B4GALNT1: variants seen among roughly 807,000 people sequenced by gnomAD.
B4GALNT1 encodes the protein beta-1,4 N-acetylgalactosaminyltransferase 1.
In B4GALNT1, 43 loss-of-function variants were observed where a neutral mutation model predicts 55.2. The observed-to-expected ratio is 0.78, with a 90% CI of 0.61 to 1.00. The LOEUF (loss-of-function observed/expected upper bound fraction) is 1.00, where lower values mean the gene tolerates loss of function less well. Among genes scored for constraint, B4GALNT1 ranks in the 50% least tolerant of loss-of-function variants. The pLI is 0.00. For synonymous variants in B4GALNT1, 305 were observed against 311.6 expected (o/e 0.98, Z 0.22); for missense variants, 664 against 729.7 (o/e 0.91, Z 1.04).
rs1264365564 is a variant in B4GALNT1, at chr12:57,625,420, G to A, written c.*1324C>T. ...GCCCCATCCCTGCAGCTGGCCAGCC[G>A]ATGTCGAGATGCTAGGATCCGCCTC... On this transcript the variant is annotated 3_prime_UTR_variant, in exon 11 of 11. Transcript: ENST00000341156. The A allele has an allele frequency of 2.5e-6, 4 of 1,614,054 alleles. No individual in the cohort carries two copies. The African/African-American group carries it at 4.0e-5, about 16-fold the overall frequency.
Position 57,624,079 on chromosome 12 carries a change from A to G in B4GALNT1, c.*2665T>C, listed in dbSNP as rs1283806563. On this transcript the variant is annotated 3_prime_UTR_variant, in exon 11 of 11. Transcript: ENST00000341156. ...ATGCAGGAACTTCCACAACTATGGC[A>G]CATCAGCCGAGTGGACTTTGTGAGA... The G allele has an allele frequency of 1.9e-6, 3 of 1,613,784 alleles. No homozygotes were observed. In the Admixed American group the frequency reaches 5.0e-5, roughly 27 times the overall value.
chr12:57,631,407 CA>C (rs1732628534), intron 2 of B4GALNT1, 43 bp from the exon 3 acceptor site: 1 of 1,606,086 alleles, frequency 6.2e-7, no homozygotes, highest in Admixed American at 1.7e-5. Context: ...CCCAGCTACA[CA>C]GCTCCATTCA....
rs756802006 is a variant in B4GALNT1 at position 57,631,053 on chromosome 12, G to C, written c.417C>G (p.Ala139=). 61 of 1,612,772 alleles carry C rather than the reference G, an allele frequency of 3.8e-5. No homozygotes were observed. Among genetic ancestry groups the C allele is most frequent in the Admixed American group, 5.0e-5 (3 of 59,946 alleles). ...GGTACTGGAGCGGGGAGTTGGCAGG[G>C]GCTATGAGCAGCTGGTCAGCTGGGG... ...SQSPADQLLI[A]PANSPLQYPL... The change falls in exon 4 of 11, where the codon GCC becomes GCG. Residue 139 remains alanine, a synonymous_variant. Transcript: ENST00000341156.
chr12:57,627,615 C>A lies in B4GALNT1; in HGVS notation c.1384+3G>T. 1 of 1,584,702 alleles carries A rather than the reference C, an allele frequency of 6.3e-7. No homozygotes were observed. ...GGGTCGACCGGGAGGGGGTGCCACT[C>A]ACCCAGATGAGCCACGCGGCTGAGG... On this transcript the variant is annotated splice_donor_region_variant and intron_variant, in intron 10 of 10. Coordinates refer to ENST00000341156, the MANE Select transcript of B4GALNT1 (RefSeq NM_001478.5).
At chr12:57,629,971 T>C (rs1188594353) in intron 6 of B4GALNT1, 181 bp downstream of exon 6, 10 of 1,537,682 alleles carry the variant, frequency 6.5e-6, no homozygotes, top group Non-Finnish European at 2.6e-6. Context: ...CAGCCCCAGA[T>C]GAACAAAGGC....
chr12:57,627,680 G>A lies in B4GALNT1; in HGVS notation c.1322C>T (p.Ala441Val), dbSNP rs563575730. 6.2e-7 allele frequency: 1 copy of A among 1,611,986 alleles called. No homozygotes were observed. Among genetic ancestry groups the A allele is most frequent in the Non-Finnish European group, 8.5e-7 (1 of 1,178,862 alleles). ...GACCTCGCGCACCTTGTCAGTCCGC[G>A]CCAGGAAGAAGTTAACCACGCCGTC... is the stretch of plus-strand genomic sequence containing the variant. ...VTDGVVNFFL[A>V]RTDKVREVGF... Residue 441 changes from alanine (A) to valine (V), a missense_variant, in exon 10 of 11, where the codon GCG becomes GTG. Physicochemically the swap from Ala to Val is moderately conservative, Grantham distance 64. Transcript: ENST00000341156.
At chr12:57,628,003 C>A in intron 9 of B4GALNT1, 119 bp downstream of exon 9, 1 of 1,498,270 alleles carries the variant, frequency 6.7e-7, no homozygotes, top group East Asian at 2.4e-5. Context: ...TTCCCAGGCC[C>A]CACTTCGTGG....
At position 57,628,125 on chromosome 12, in the gene B4GALNT1, G is replaced by T; in HGVS notation, c.1140C>A (p.Asp380Glu). 1 of 1,613,762 alleles carries T rather than the reference G, an allele frequency of 6.2e-7. No individual in the cohort carries two copies. Among genetic ancestry groups the T allele is most frequent in the Non-Finnish European group, 8.5e-7 (1 of 1,180,016 alleles). ...LVDVLERTPL[D>E]LVGGAVREIS... Reference sequence around the variant, plus strand: ...CATCCTGCAGCCCCTGCCCTACCAGGTCCAGCGGCGTCCGCTCCAGCACGT... The same window carrying T: ...CATCCTGCAGCCCCTGCCCTACCAGTTCCAGCGGCGTCCGCTCCAGCACGT... The change falls in exon 9 of 11, where the codon GAC becomes GAA. Residue 380 changes from aspartate (D) to glutamate (E), a missense_variant. Transcript: ENST00000341156.
Position 57,627,843 on chromosome 12 carries a change from G to GC in B4GALNT1, c.1158dup (p.Arg387AlafsTer51). 6.3e-7 allele frequency: 1 copy of GC among 1,584,974 alleles called. No individual in the cohort carries two copies. Among genetic ancestry groups the GC allele is most frequent in the Admixed American group, 1.7e-5 (1 of 58,342 alleles). On this transcript the variant is annotated frameshift_variant, in exon 10 of 11. Coordinates refer to ENST00000341156, the MANE Select transcript of B4GALNT1 (RefSeq NM_001478.5). LOFTEE classifies it high-confidence loss of function. ...GTGGTGGCAAAGCCGGAGATCTCGCGCACCGCGCCCCCCACCTGCAGGGAG... is the reference window on the plus strand; with the variant it reads ...GTGGTGGCAAAGCCGGAGATCTCGCGCCACCGCGCCCCCCACCTGCAGGGAG...
chr12:57,628,851 A>G lies in B4GALNT1; in HGVS notation c.864T>C (p.Arg288=), dbSNP rs762739294. The change falls in exon 8 of 11, where the codon CGT becomes CGC. Residue 288 remains arginine (R), a synonymous_variant. Transcript: ENST00000341156. ...LVTIATKTFL[R]YDRLRALITS... is the part of the protein sequence containing the mutation. ...TGATGAGAGCCCGTAGCCGATCATA[A>G]CGGAGGAAGGTCTTGGTGGCAATCG... The G allele has an allele frequency of 2.5e-6, 4 of 1,614,036 alleles. No homozygotes were observed. Among genetic ancestry groups the G allele is most frequent in the Non-Finnish European group, 3.4e-6 (4 of 1,180,024 alleles).
rs1344629633 is a variant in B4GALNT1 at position 57,624,330 on chromosome 12, G to T, written c.*2414C>A. 1.6e-6 allele frequency: 1 copy of T among 632,472 alleles called. No individual in the cohort carries two copies. The highest frequency in any genetic ancestry group is 2.9e-6 in the Non-Finnish European group (1 of 343,754). 39.2% of individuals were successfully genotyped at this position (632,472 alleles called of 1,614,324 possible). The stretch of plus-strand genomic sequence containing the variant: ...ACTGGTGCGGGTCATTACATTTGGT[G>T]TGTGTCCCATTGAATCAACCCTGTT... On this transcript the variant is annotated 3_prime_UTR_variant, in exon 11 of 11. Coordinates refer to ENST00000341156, the MANE Select transcript of B4GALNT1 (RefSeq NM_001478.5).
chr12:57,629,359 C>A, intron 6 of B4GALNT1: 1 of 466,046 alleles, frequency 2.1e-6, no homozygotes, highest in Non-Finnish European at 3.7e-6. Flanking sequence ...TTATTGAGCA[C>A]TTACTATGTG....
Position 57,624,551 on chromosome 12 carries a change from G to A in B4GALNT1, c.*2193C>T, listed in dbSNP as rs776847744. On this transcript the variant is annotated 3_prime_UTR_variant, in exon 11 of 11. Transcript: ENST00000341156. ...AGTAGTGACCCTGAGTGTGGATTTGGGCCTGGCTGTGGGTGTGGTCTTCTC... is the reference window on the plus strand; with the variant it reads ...AGTAGTGACCCTGAGTGTGGATTTGAGCCTGGCTGTGGGTGTGGTCTTCTC... The A allele has an allele frequency of 1.6e-6, 1 of 642,382 alleles. No individual in the cohort carries two copies. The highest frequency in any genetic ancestry group is 1.8e-5 in the Admixed American group (1 of 54,568). 39.8% of individuals were successfully genotyped at this position (642,382 alleles called of 1,614,324 possible). A position where few individuals can be genotyped will look rare whatever the true frequency, so the allele number is the denominator to read the frequency against.
rs1167901551 is a variant in B4GALNT1, at chr12:57,628,215, C to G, written c.1050G>C (p.Lys350Asn). 1 of 1,614,184 alleles carries G rather than the reference C, an allele frequency of 6.2e-7. No homozygotes were observed. Among genetic ancestry groups the G allele is most frequent in the African/African-American group, 1.3e-5 (1 of 74,960 alleles). The change falls in exon 9 of 11, where the codon AAG becomes AAC. Residue 350 changes from lysine to asparagine, a missense_variant. Transcript: ENST00000341156. ...RNLAVSQVTT[K>N]YVLWVDDDFV... is the part of the protein sequence containing the mutation. ...AGTCGTCGTCCACCCACAGCACGTA[C>G]TTGGTGGTTACTTGAGACACGGCCA...
At position 57,624,425 on chromosome 12, in the gene B4GALNT1, G is replaced by A. The variant is rs188731988; in HGVS notation, c.*2319C>T. ...CCCATCACTTGCCTTGGTAGTCACT[G>A]CCCTGGATCTCTTTACCCAGCAGTG... On this transcript the variant is annotated 3_prime_UTR_variant, in exon 11 of 11. Coordinates refer to ENST00000341156, the MANE Select transcript of B4GALNT1 (RefSeq NM_001478.5). 1 of 602,360 alleles carries A rather than the reference G, an allele frequency of 1.7e-6. No homozygotes were observed. The highest frequency in any genetic ancestry group is 3.8e-5 in the East Asian group (1 of 26,250). 37.3% of individuals were successfully genotyped at this position (602,360 alleles called of 1,614,324 possible).
chr12:57,631,161 C>T (rs550975742), intron 3 of B4GALNT1, 39 bp downstream of exon 3: 5 of 1,613,524 alleles, frequency 3.1e-6, no homozygotes, highest in South Asian at 2.2e-5. Context: ...AATCACTGCT[C>T]TCCCCCTGAG....
intron 8 of B4GALNT1, chr12:57,628,482 T>A (rs961425168): frequency 1.2e-6 from 1 of 816,720 alleles, no homozygotes; most frequent in African/African-American, 1.7e-5. Context: ...ATTTATTTAT[T>A]CATTCATCAG....
intron 6 of B4GALNT1, 183 bp from the exon 7 acceptor site, chr12:57,629,329 T>A: frequency 2.0e-6 from 1 of 504,330 alleles, no homozygotes; most frequent in East Asian, 3.1e-5. Flanking sequence ...ACAAAGAAAA[T>A]TTTAAGTAAA....
At chr12:57,632,283 C>A (rs1179238187) in intron 1 of B4GALNT1, 150 bp from the exon 2 acceptor site, 1 of 809,706 alleles carries the variant, frequency 1.2e-6, no homozygotes. Context: ...CACTGCCAGC[C>A]GCGGTTTTCC....
Sources: allele counts gnomAD v4.1 joint callset, GRCh38; gene constraint gnomAD v4.1.1; transcripts MANE v1.5; gene names NCBI Gene and HGNC (gene_info 2026-07-23, HGNC 2026-07-21).